Variants in ULK4 observed in about 807,000 individuals in gnomAD.
The protein encoded by ULK4 is inactive serine/threonine-protein kinase ULK4.
Under a neutral mutation model 160.6 loss-of-function variants are expected in ULK4, and 133 were observed. That is an observed-to-expected ratio of 0.83 (90% CI 0.72 to 0.96). The LOEUF (loss-of-function observed/expected upper bound fraction) is 0.96. Ranked by LOEUF, ULK4 falls within the 40% of genes least tolerant of loss-of-function variation. The pLI is 0.00. For synonymous variants in ULK4, 534 were observed against 539.8 expected (o/e 0.99, Z 0.15); for missense variants, 1,580 against 1,499.5 (o/e 1.05, Z -0.89).
At chr3:41,745,528 C>T (rs1266606447) in intron 22 of ULK4, among the ~76,000 whole-genome samples, 1 of 151,602 alleles carries the variant, frequency 6.6e-6, no homozygotes, top group Admixed American at 6.6e-5. Context: ...GAAGATAAAT[C>T]TGCAGGCCCC....
At chr3:41,678,177 TACACACACACACACACACACACACAC>T (rs752843326) in intron 29 of ULK4, among the ~76,000 whole-genome samples, 3 of 123,056 alleles carry the variant, frequency 2.4e-5, no homozygotes, top group Admixed American at 8.1e-5. Flanking sequence ...CTTTATTTCA[TACACACACACACACACACACACACAC>T]ACACACACAC....
chr3:41,473,337 C>T (rs2084043224), intron 32 of ULK4, among the ~76,000 whole-genome samples: 1 of 152,110 alleles, frequency 6.6e-6, no homozygotes, highest in South Asian at 2.1e-4. Flanking sequence ...GTGGAAAACG[C>T]TAAAGATTCC....
At chr3:41,604,583 A>G (rs1234440778) in intron 31 of ULK4, among the ~76,000 whole-genome samples, 1 of 152,138 alleles carries the variant, frequency 6.6e-6, no homozygotes, top group African/African-American at 2.4e-5. Context: ...TAATACACCA[A>G]ACATACAGGA....
At chr3:41,681,237 G>A (rs756594228) in intron 29 of ULK4, among the ~76,000 whole-genome samples, 25 of 152,240 alleles carry the variant, frequency 1.6e-4, no homozygotes, top group East Asian at 3.9e-4. Flanking sequence ...CCATGAACAC[G>A]TTTAAATCTG....
intron 30 of ULK4, among the ~76,000 whole-genome samples, chr3:41,654,064 A>C (rs1050537313): frequency 6.6e-6 from 1 of 152,250 alleles, no homozygotes; most frequent in Non-Finnish European, 1.5e-5. Flanking sequence ...ATCTATGTTA[A>C]AAGAAAACAA....
chr3:41,729,443 T>C (rs1389793965), intron 22 of ULK4, among the ~76,000 whole-genome samples: 3 of 152,300 alleles, frequency 2.0e-5, no homozygotes, highest in East Asian at 3.9e-4. Context: ...TGCTACTGCA[T>C]AATGCCATCT....
At chr3:41,930,201 GACAA>G (rs1329439297) in intron 5 of ULK4, among the ~76,000 whole-genome samples, 2 of 152,012 alleles carry the variant, frequency 1.3e-5, no homozygotes, top group African/African-American at 4.8e-5. Flanking sequence ...TCTGATCTTT[GACAA>G]ACCTGACAAA....
At chr3:41,720,900 CATATG>C (rs1413768911) in intron 22 of ULK4, among the ~76,000 whole-genome samples, 16 of 152,060 alleles carry the variant, frequency 1.1e-4, no homozygotes, top group African/African-American at 3.4e-4. Flanking sequence ...TACCTGTACA[CATATG>C]ATATGACACA....
intron 1 of ULK4, among the ~76,000 whole-genome samples, chr3:41,958,606 A>G (rs1700562659): frequency 6.6e-6 from 1 of 151,812 alleles, no homozygotes; most frequent in Admixed American, 6.6e-5. Flanking sequence ...CAGCTACTCA[A>G]GAAGGTGAGG....
At chr3:41,696,170 CA>C (rs1405691892) in intron 27 of ULK4, among the ~76,000 whole-genome samples, 2 of 151,288 alleles carry the variant, frequency 1.3e-5, no homozygotes, top group African/African-American at 4.8e-5. Context: ...GAAGGCCTGA[CA>C]TGAGTCAGGC....
At chr3:41,457,802 C>T (rs1370041458) in intron 33 of ULK4, among the ~76,000 whole-genome samples, 1 of 152,204 alleles carries the variant, frequency 6.6e-6, no homozygotes, top group East Asian at 1.9e-4. Context: ...GTCCCACTGA[C>T]CCCTTTCCAG....
intron 35 of ULK4, among the ~76,000 whole-genome samples, chr3:41,355,237 C>T: frequency 6.6e-6 from 1 of 152,110 alleles, no homozygotes; most frequent in East Asian, 1.9e-4. Flanking sequence ...GAATGGCACA[C>T]CCATACTCTT....
intron 21 of ULK4, among the ~76,000 whole-genome samples, chr3:41,789,385 T>C (rs2040084547): frequency 6.6e-6 from 1 of 152,118 alleles, no homozygotes; most frequent in South Asian, 2.1e-4. Flanking sequence ...GCATAAGAAA[T>C]GCCAGCATAT....
intron 21 of ULK4, among the ~76,000 whole-genome samples, chr3:41,782,428 A>G (rs1325179454): frequency 1.3e-5 from 2 of 152,114 alleles, no homozygotes; most frequent in Admixed American, 1.3e-4. Flanking sequence ...GCTTTCAACA[A>G]CCCAAAAATA....
At chr3:41,689,498 C>G (rs543689571) in intron 27 of ULK4, among the ~76,000 whole-genome samples, 1 of 152,302 alleles carries the variant, frequency 6.6e-6, no homozygotes, top group African/African-American at 2.4e-5. Context: ...TCAGACTGGA[C>G]AGGCAACCTA....
At chr3:41,939,365 G>T (rs1699880739) in intron 2 of ULK4, among the ~76,000 whole-genome samples, 3 of 152,036 alleles carry the variant, frequency 2.0e-5, no homozygotes, top group African/African-American at 7.2e-5. Flanking sequence ...TCATCATGTT[G>T]GCCAGGCTGG....
intron 35 of ULK4, among the ~76,000 whole-genome samples, chr3:41,345,665 C>A (rs752611824): frequency 2.0e-5 from 3 of 152,096 alleles, no homozygotes; most frequent in Admixed American, 6.5e-5. Context: ...GGAAGAATAG[C>A]TAATAGATGC....
chr3:41,564,443 CTTCTTCT>C (rs1223544027), intron 32 of ULK4, among the ~76,000 whole-genome samples: 5 of 130,438 alleles, frequency 3.8e-5, no homozygotes, highest in Admixed American at 3.5e-4. Context: ...GTTTCTTCTT[CTTCTTCT>C]TTTTTTTTTT....
intron 12 of ULK4, among the ~76,000 whole-genome samples, chr3:41,901,441 A>G (rs1240204952): frequency 2.1e-5 from 3 of 143,828 alleles, no homozygotes; most frequent in Non-Finnish European, 4.5e-5. Context: ...CGGCCTCCCA[A>G]AGTGCTGGGA....
Sources: allele counts gnomAD v4.1 joint callset (sites outside exome capture counted in the v4.1 genomes callset), GRCh38; gene constraint gnomAD v4.1.1; transcripts MANE v1.5; gene names NCBI Gene and HGNC (gene_info 2026-07-23, HGNC 2026-07-21).